Variants in DSCAM observed in about 807,000 individuals in gnomAD.
The protein encoded by DSCAM is cell adhesion molecule DSCAM.
A neutral mutation model predicts 217.7 loss-of-function variants in DSCAM; 47 were observed. That is an observed-to-expected ratio of 0.22 (90% CI 0.17 to 0.28). The LOEUF is 0.28. Ranked by LOEUF, DSCAM falls within the 10% of genes least tolerant of loss-of-function variation. DSCAM has a pLI of 1.00. For synonymous variants in DSCAM, 1,056 were observed against 1,015.3 expected (o/e 1.04, Z -0.76); for missense variants, 2,080 against 2,618.3 (o/e 0.79, Z 4.49).
intron 4 of DSCAM, among the ~76,000 whole-genome samples, chr21:40,356,685 G>A (rs9983099): frequency 0.75 from 114,350 of 152,080 alleles, 43,573 homozygotes; most frequent in African/African-American, 0.87. Flanking sequence ...GGAACTGCAC[G>A]TGAGGATAAT....
chr21:40,544,721 T>C (rs1197324677), intron 3 of DSCAM, among the ~76,000 whole-genome samples: 3 of 152,180 alleles, frequency 2.0e-5, no homozygotes, highest in African/African-American at 4.8e-5. Context: ...GCCACACAGT[T>C]TATGTTAATG....
intron 3 of DSCAM, among the ~76,000 whole-genome samples, chr21:40,399,291 CAAAACAAAACA>C (rs1399612627): frequency 6.6e-6 from 1 of 150,430 alleles, no homozygotes; most frequent in East Asian, 2.0e-4. Context: ...CAAAACAAAA[CAAAACAAAACA>C]AAACAAAACA....
intron 16 of DSCAM, among the ~76,000 whole-genome samples, chr21:40,161,678 C>T (rs1189531293): frequency 6.6e-6 from 1 of 152,038 alleles, no homozygotes; most frequent in Non-Finnish European, 1.5e-5. Context: ...GGAGGTTAGA[C>T]TCGTTAATAT....
chr21:40,138,012 C>T (rs949112359), intron 18 of DSCAM, among the ~76,000 whole-genome samples: 4 of 152,048 alleles, frequency 2.6e-5, no homozygotes, highest in South Asian at 2.1e-4. Context: ...TAAATTGTTT[C>T]TTTCAGGCCT....
chr21:40,078,824 T>A lies in DSCAM; in HGVS notation c.4574A>T (p.Gln1525Leu). 1 of 1,614,240 alleles carries A rather than the reference T, an allele frequency of 6.2e-7. No individual in the cohort carries two copies. Among genetic ancestry groups the A allele is most frequent in the Non-Finnish European group, 8.5e-7 (1 of 1,180,046 alleles). The change falls in exon 26 of 33, where the codon CAG (glutamine) becomes CTG (leucine). Residue 1525 changes from glutamine (Q) to leucine (L), a missense_variant. Gln to Leu is a moderately radical substitution (Grantham distance 113). Transcript: ENST00000400454. Reference protein sequence around the residue: ...PFGTTVWTTAQRTSLSKSYIL... With the variant: ...PFGTTVWTTALRTSLSKSYIL... ...GTAGGACTTGGAGAGAGAGGTCCTC[T>A]GAGCTGTGGTCCAAACTGTGGTCCC...
chr21:40,702,455 C>T (rs1313849557), intron 2 of DSCAM, among the ~76,000 whole-genome samples: 1 of 152,046 alleles, frequency 6.6e-6, no homozygotes, highest in Non-Finnish European at 1.5e-5. Flanking sequence ...CAGTGGTTTA[C>T]TTTAATTAGG....
chr21:40,343,733 A>T (rs2074524759), intron 6 of DSCAM, among the ~76,000 whole-genome samples: 1 of 152,026 alleles, frequency 6.6e-6, no homozygotes, highest in Admixed American at 6.6e-5. Flanking sequence ...GCAGTACTTT[A>T]TGTGAAATGT....
intron 28 of DSCAM, 43 bp downstream of exon 28, chr21:40,062,826 T>C (rs1178712759): frequency 2.6e-6 from 4 of 1,533,098 alleles, no homozygotes; most frequent in Non-Finnish European, 3.5e-6. Flanking sequence ...TTGGAAATTG[T>C]TCTTTCAAAC....
chr21:40,013,866 A>G (rs1374340946), intron 32 of DSCAM, among the ~76,000 whole-genome samples: 3 of 152,218 alleles, frequency 2.0e-5, no homozygotes, highest in Non-Finnish European at 4.4e-5. Context: ...GACCTTGGCC[A>G]GCCACTTAGT....
At chr21:40,369,817 A>T (rs1342638387) in intron 3 of DSCAM, among the ~76,000 whole-genome samples, 1 of 152,224 alleles carries the variant, frequency 6.6e-6, no homozygotes, top group Non-Finnish European at 1.5e-5. Context: ...ACCAATATTT[A>T]TCACTATATT....
At chr21:40,753,801 G>T (rs972228523) in intron 1 of DSCAM, among the ~76,000 whole-genome samples, 1 of 152,104 alleles carries the variant, frequency 6.6e-6, no homozygotes, top group Non-Finnish European at 1.5e-5. Flanking sequence ...GAAGTAAAAA[G>T]CAAAAAATGA....
chr21:40,585,777 T>G (rs1457688213), intron 3 of DSCAM, among the ~76,000 whole-genome samples: 1 of 152,122 alleles, frequency 6.6e-6, no homozygotes, highest in Admixed American at 6.5e-5. Context: ...AAGAATGAAT[T>G]ATTTATCTAC....
rs73903022 is a variant in DSCAM at position 40,798,952 on chromosome 21, T to C, written c.43+47667A>G. 8.1e-3 allele frequency among the ~76,000 whole-genome samples: 1,236 copies of C among 152,256 alleles called. 16 individuals carry two copies. The highest frequency in any genetic ancestry group is 0.029 in the African/African-American group (1,186 of 41,570). On this transcript the variant is annotated intron_variant, in intron 1 of 32. Transcript: ENST00000400454. ...AACAGGAAAATTCCATTCCCAATGC[T>C]ATAAAACTATAGCCTAAGCCATTAA... is the stretch of plus-strand genomic sequence containing the variant.
chr21:40,677,066 G>C (rs1017691749), intron 3 of DSCAM, among the ~76,000 whole-genome samples: 3 of 152,082 alleles, frequency 2.0e-5, no homozygotes, highest in Non-Finnish European at 4.4e-5. Context: ...TAGCCGGGGG[G>C]GAATCTCAGT....
At chr21:40,525,367 C>A (rs1315964502) in intron 3 of DSCAM, among the ~76,000 whole-genome samples, 1 of 152,130 alleles carries the variant, frequency 6.6e-6, no homozygotes, top group Admixed American at 6.5e-5. Context: ...GTGGTATAGT[C>A]AGAACCAGGT....
intron 3 of DSCAM, among the ~76,000 whole-genome samples, chr21:40,673,741 G>A (rs2090304626): frequency 6.6e-6 from 1 of 152,070 alleles, no homozygotes; most frequent in African/African-American, 2.4e-5. Context: ...AAAGTATGCA[G>A]CTCCTCCCTC....
Position 40,484,815 on chromosome 21 carries a change from C to T in DSCAM, c.509-115570G>A, listed in dbSNP as rs568670553. On this transcript the variant is annotated intron_variant, in intron 3 of 32. Transcript: ENST00000400454. Reference sequence around the variant, plus strand: ...TAGGATGAGGACAATTGCCACACAGCGCAAAGACTGAAAAAATCCTAAAAT... The same window carrying T: ...TAGGATGAGGACAATTGCCACACAGTGCAAAGACTGAAAAAATCCTAAAAT... Among the ~76,000 whole-genome samples, 7 of 152,212 alleles carry T rather than the reference C, an allele frequency of 4.6e-5. 1 individual carries two copies. The South Asian group carries it at 8.3e-4, about 18-fold the overall frequency.
chr21:40,359,478 C>CT (rs1414766041), intron 4 of DSCAM, among the ~76,000 whole-genome samples: 1 of 152,206 alleles, frequency 6.6e-6, no homozygotes, highest in Non-Finnish European at 1.5e-5. Flanking sequence ...TTCTAGGTAT[C>CT]TACCCTAAAT....
At chr21:40,495,884 C>A (rs1293708140) in intron 3 of DSCAM, among the ~76,000 whole-genome samples, 1 of 151,994 alleles carries the variant, frequency 6.6e-6, no homozygotes, top group East Asian at 1.9e-4. Context: ...TATACTCTAA[C>A]AATGAACTAT....
Sources: gnomAD v4.1 joint callset for allele counts (sites outside exome capture counted in the v4.1 genomes callset) on GRCh38, gnomAD v4.1.1 for gene constraint, MANE v1.5 for transcripts, NCBI Gene and HGNC (gene_info 2026-07-23, HGNC 2026-07-21) for gene names.